HACD2: variants seen among roughly 807,000 people sequenced by gnomAD.
The protein encoded by HACD2 is 3-hydroxyacyl-CoA dehydratase 2, also known as very-long-chain (3R)-3-hydroxyacyl-CoA dehydratase 2.
A neutral mutation model predicts 31.0 loss-of-function variants in HACD2; 15 were observed. The observed-to-expected ratio is 0.48, with a 90% CI of 0.32 to 0.75. The LOEUF is 0.75. Among genes scored for constraint, HACD2 ranks in the 30% least tolerant of loss-of-function variants. The pLI is 0.03. For missense variants in HACD2, 283 were observed against 313.0 expected (o/e 0.90, Z 0.72); for synonymous variants, 115 against 122.2 (o/e 0.94, Z 0.39).
At chr3:123,503,967 T>C (rs1180934508) in intron 4 of HACD2, among the ~76,000 whole-genome samples, 1 of 152,208 alleles carries the variant, frequency 6.6e-6, no homozygotes, top group Non-Finnish European at 1.5e-5. Context: ...CATTTACATA[T>C]CTATTAACTA....
rs1378787698 is a variant in HACD2 at position 123,500,569 on chromosome 3, AATTGT to A, written c.623_627del (p.Tyr208PhefsTer4). The A allele has an allele frequency of 6.2e-7, 1 of 1,612,106 alleles. No individual in the cohort carries two copies. ...AGGAATGCATAGTAGTCAAAAGAGA[AATTGT>A]ATTTGTTGGGTAAACTGATGGAATA... On this transcript the variant is annotated frameshift_variant, in exon 6 of 7. Transcript: ENST00000383657. LOFTEE classifies it high-confidence loss of function.
intron 3 of HACD2, among the ~76,000 whole-genome samples, chr3:123,566,730 C>T (rs947439749): frequency 9.9e-5 from 15 of 152,130 alleles, no homozygotes; most frequent in African/African-American, 3.6e-4. Context: ...AACCCCATCT[C>T]TACTAAAAAT....
chr3:123,547,152 TA>T (rs776234788), intron 3 of HACD2, among the ~76,000 whole-genome samples: 3 of 152,194 alleles, frequency 2.0e-5, no homozygotes, highest in Non-Finnish European at 2.9e-5. Context: ...ACTTAACTAT[TA>T]TAAATAGTTG....
chr3:123,556,539 C>A lies in HACD2; in HGVS notation c.292+11223G>T, dbSNP rs77749368. On this transcript the variant is annotated intron_variant, in intron 3 of 6. Transcript: ENST00000383657. ...TATGTAAAGATCAAATCAGGGTAAT[C>A]GAGATATCTATAGTAACAAGTTTTC... 8.2e-3 allele frequency among the ~76,000 whole-genome samples: 1,247 copies of A among 151,902 alleles called. 18 individuals carry two copies. Among genetic ancestry groups the A allele is most frequent in the African/African-American group, 0.028 (1,166 of 41,394 alleles).
chr3:123,516,396 G>A (rs1165277358), intron 4 of HACD2, among the ~76,000 whole-genome samples: 8 of 152,014 alleles, frequency 5.3e-5, no homozygotes, highest in Non-Finnish European at 8.8e-5. Context: ...TGCGACGCCC[G>A]GCTAATTTTT....
chr3:123,510,225 T>G (rs1258256155), intron 4 of HACD2, among the ~76,000 whole-genome samples: 1 of 152,162 alleles, frequency 6.6e-6, no homozygotes, highest in Non-Finnish European at 1.5e-5. Context: ...TCTAGGTACC[T>G]CATATAAGTG....
In HACD2 at chr3:123,494,682, A is replaced by C; in HGVS notation, c.*206T>G. On this transcript the variant is annotated 3_prime_UTR_variant, in exon 7 of 7. Transcript: ENST00000383657. Reference sequence around the variant, plus strand: ...TGGTTGAAAGAGCATGCTGAAATGAACTGGCCAGGGTGTTTTATGTAACAA... The same window carrying C: ...TGGTTGAAAGAGCATGCTGAAATGACCTGGCCAGGGTGTTTTATGTAACAA... 11 of 559,146 alleles carry C rather than the reference A, an allele frequency of 2.0e-5. No individual in the cohort carries two copies. Among genetic ancestry groups the C allele is most frequent in the East Asian group, 3.2e-5 (1 of 31,406 alleles). 34.6% of individuals were successfully genotyped at this position (559,146 alleles called of 1,614,324 possible).
intron 2 of HACD2, among the ~76,000 whole-genome samples, chr3:123,570,258 T>C (rs1262810763): frequency 6.6e-6 from 1 of 152,132 alleles, no homozygotes; most frequent in Non-Finnish European, 1.5e-5. Flanking sequence ...AAATACAATG[T>C]CCCAATTGAT....
chr3:123,530,457 A>C (rs1273994909), intron 3 of HACD2, among the ~76,000 whole-genome samples: 2 of 145,400 alleles, frequency 1.4e-5, no homozygotes, highest in Non-Finnish European at 3.0e-5. Context: ...TCGCCAGGCT[A>C]GAGTGCTGTG....
intron 3 of HACD2, among the ~76,000 whole-genome samples, chr3:123,552,264 G>T (rs2056628002): frequency 1.3e-5 from 2 of 152,166 alleles, no homozygotes; most frequent in African/African-American, 4.8e-5. Context: ...TTCTAAGGAA[G>T]AAATGAGTAA....
At chr3:123,584,752 AC>A (rs1032798397) in intron 1 of HACD2, 120 bp downstream of exon 1, 42 of 749,522 alleles carry the variant, frequency 5.6e-5, no homozygotes, top group African/African-American at 2.1e-4. Flanking sequence ...GGTCCCGGGC[AC>A]CCCCCGCCGG....
chr3:123,583,142 T>C (rs568226416), intron 1 of HACD2, among the ~76,000 whole-genome samples: 2 of 152,222 alleles, frequency 1.3e-5, no homozygotes, highest in East Asian at 3.9e-4. Flanking sequence ...GGACATCAAG[T>C]AAGAGTTTGT....
intron 3 of HACD2, among the ~76,000 whole-genome samples, chr3:123,552,153 C>A (rs934044233): frequency 1.3e-5 from 2 of 152,076 alleles, no homozygotes; most frequent in Admixed American, 1.3e-4. Flanking sequence ...AGACAGTCTA[C>A]CCTAATTATA....
intron 4 of HACD2, among the ~76,000 whole-genome samples, chr3:123,512,539 G>A (rs1463739072): frequency 1.3e-5 from 2 of 152,216 alleles, no homozygotes. Flanking sequence ...CCAGAGGCCT[G>A]CAGTTGAGAA....
rs550335769 is a variant in HACD2 at position 123,554,573 on chromosome 3, C to T, written c.292+13189G>A. On this transcript the variant is annotated intron_variant, in intron 3 of 6. Coordinates refer to ENST00000383657, the MANE Select transcript of HACD2 (RefSeq NM_198402.5). ...AGGTAGGCAAATACAGCAAATATAACAGAGTATGTAGCAATTATAACATAA... is the reference window on the plus strand; with the variant it reads ...AGGTAGGCAAATACAGCAAATATAATAGAGTATGTAGCAATTATAACATAA... Among the ~76,000 whole-genome samples, 4 of 152,150 alleles carry T rather than the reference C, an allele frequency of 2.6e-5. No individual in the cohort carries two copies. In the East Asian group the frequency reaches 7.7e-4, roughly 29 times the overall value.
At chr3:123,555,721 A>G (rs1391770527) in intron 3 of HACD2, among the ~76,000 whole-genome samples, 1 of 152,222 alleles carries the variant, frequency 6.6e-6, no homozygotes, top group African/African-American at 2.4e-5. Context: ...GTAGATGTTG[A>G]CAAAAAGATT....
intron 3 of HACD2, among the ~76,000 whole-genome samples, chr3:123,538,666 T>C (rs2720319): frequency 0.53 from 80,537 of 152,032 alleles, 24,726 homozygotes; most frequent in Non-Finnish European, 0.69. Context: ...CTCAGCTATA[T>C]GAACTCAACC....
At chr3:123,552,212 CAG>C (rs1425142625) in intron 3 of HACD2, among the ~76,000 whole-genome samples, 1 of 152,064 alleles carries the variant, frequency 6.6e-6, no homozygotes, top group Non-Finnish European at 1.5e-5. Context: ...AGGGAAGAGA[CAG>C]AGTCTGTGGG....
intron 3 of HACD2, among the ~76,000 whole-genome samples, chr3:123,552,450 C>A (rs905079713): frequency 6.6e-6 from 1 of 152,206 alleles, no homozygotes; most frequent in African/African-American, 2.4e-5. Flanking sequence ...TACTTCACTG[C>A]ATTTAAGCAT....
Sources: allele counts gnomAD v4.1 joint callset (sites outside exome capture counted in the v4.1 genomes callset), GRCh38; gene constraint gnomAD v4.1.1; transcripts MANE v1.5; gene names NCBI Gene and HGNC (gene_info 2026-07-23, HGNC 2026-07-21).